The following RABGAP1L variants were observed in gnomAD, a reference collection of about 807,000 sequenced individuals.
The protein encoded by RABGAP1L is rab GTPase-activating protein 1-like.
Under a neutral mutation model 137.7 loss-of-function variants are expected in RABGAP1L, and 63 were observed. The observed-to-expected ratio is 0.46, with a 90% CI of 0.37 to 0.56. The LOEUF (loss-of-function observed/expected upper bound fraction) is 0.56. Ranked by LOEUF, RABGAP1L falls within the 20% of genes least tolerant of loss-of-function variation. The pLI is 0.00. For synonymous variants in RABGAP1L, 431 were observed against 433.7 expected (o/e 0.99, Z 0.08); for missense variants, 1,095 against 1,244.0 (o/e 0.88, Z 1.80).
At chr1:174,634,525 C>A (rs1673760300) in intron 13 of RABGAP1L, among the ~76,000 whole-genome samples, 2 of 145,520 alleles carry the variant, frequency 1.4e-5, no homozygotes, top group Non-Finnish European at 3.0e-5. Flanking sequence ...CCAGCCATCC[C>A]TTACTGGGTA....
At chr1:174,395,169 G>A (rs935240518) in intron 13 of RABGAP1L, among the ~76,000 whole-genome samples, 3 of 152,068 alleles carry the variant, frequency 2.0e-5, no homozygotes, top group Non-Finnish European at 4.4e-5. Flanking sequence ...GTCCCACATG[G>A]TTCAGGAGTG....
intron 13 of RABGAP1L, among the ~76,000 whole-genome samples, chr1:174,555,511 T>C (rs906078487): frequency 6.6e-5 from 10 of 151,838 alleles, no homozygotes; most frequent in Non-Finnish European, 4.4e-5. Context: ...GCATTTATTA[T>C]GTAACAAGAA....
rs1553274553 is a variant in RABGAP1L at position 174,327,992 on chromosome 1, T to TACATAC, written c.1465+22866_1465+22867insCATACA. On this transcript the variant is annotated intron_variant, in intron 11 of 25. Transcript: ENST00000681986. Reference sequence around the variant, plus strand: ...ATATATATATATACACACACATATATATATATATATATATATATATATATA... The same window carrying TACATAC: ...ATATATATATATACACACACATATATACATACATATATATATATATATATATATATA... 5.4e-4 allele frequency among the ~76,000 whole-genome samples: 31 copies of TACATAC among 57,612 alleles called. 1 individual carries two copies. The highest frequency in any genetic ancestry group is 2.5e-3 in the African/African-American group (31 of 12,304). 37.8% of individuals were successfully genotyped at this position (57,612 alleles called of 152,430 possible). A position where few individuals can be genotyped will look rare whatever the true frequency, so the allele number is the denominator to read the frequency against.
intron 19 of RABGAP1L, among the ~76,000 whole-genome samples, chr1:174,938,251 C>T (rs1379985589): frequency 6.6e-6 from 1 of 152,176 alleles, no homozygotes; most frequent in Non-Finnish European, 1.5e-5. Context: ...TCTGCTAAGG[C>T]TTATGTCTAG....
chr1:174,888,798 G>T (rs558654861), intron 19 of RABGAP1L, among the ~76,000 whole-genome samples: 1 of 151,990 alleles, frequency 6.6e-6, no homozygotes, highest in Non-Finnish European at 1.5e-5. Context: ...TGCCCGGCCA[G>T]CTATTTCTGT....
intron 13 of RABGAP1L, among the ~76,000 whole-genome samples, chr1:174,451,640 A>G (rs1468489382): frequency 6.6e-6 from 1 of 152,166 alleles, no homozygotes; most frequent in African/African-American, 2.4e-5. Context: ...TTTCATTTCA[A>G]AAGCCTTTAA....
At chr1:174,228,207 C>T (rs752315427) in intron 3 of RABGAP1L, among the ~76,000 whole-genome samples, 13 of 151,806 alleles carry the variant, frequency 8.6e-5, no homozygotes, top group Non-Finnish European at 1.9e-4. Flanking sequence ...ATTTTTGGAT[C>T]AGTTTCTGTA....
chr1:174,982,295 C>T (rs1441905016), intron 23 of RABGAP1L, among the ~76,000 whole-genome samples: 2 of 152,152 alleles, frequency 1.3e-5, no homozygotes, highest in East Asian at 3.9e-4. Flanking sequence ...TCCCCTACCC[C>T]TCCACCAGGC....
intron 13 of RABGAP1L, among the ~76,000 whole-genome samples, chr1:174,428,360 G>A (rs1455976008): frequency 1.3e-5 from 2 of 151,990 alleles, no homozygotes; most frequent in African/African-American, 4.8e-5. Flanking sequence ...GTGTAGAGGA[G>A]GGCATAACAG....
At chr1:174,410,577 G>A (rs1004027223) in intron 13 of RABGAP1L, among the ~76,000 whole-genome samples, 3 of 151,968 alleles carry the variant, frequency 2.0e-5, no homozygotes, top group Admixed American at 6.6e-5. Context: ...TTATTTCTGC[G>A]TTCTTTATTT....
At chr1:174,161,157 T>C (rs1180499655) in intron 1 of RABGAP1L, among the ~76,000 whole-genome samples, 1 of 151,978 alleles carries the variant, frequency 6.6e-6, no homozygotes, top group Non-Finnish European at 1.5e-5. Context: ...TGGAGAGAAG[T>C]AGATAAAGCA....
At chr1:174,479,093 A>G (rs1261610718) in intron 13 of RABGAP1L, among the ~76,000 whole-genome samples, 1 of 152,198 alleles carries the variant, frequency 6.6e-6, no homozygotes, top group East Asian at 1.9e-4. Flanking sequence ...CAATGTGTCT[A>G]AGGCTTTAAT....
chr1:174,660,470 G>A (rs1676292295), intron 14 of RABGAP1L, among the ~76,000 whole-genome samples: 2 of 152,066 alleles, frequency 1.3e-5, no homozygotes, highest in South Asian at 2.1e-4. Context: ...TCAAAACATA[G>A]CCAGAATCTT....
At chr1:174,813,083 T>C (rs991157962) in intron 19 of RABGAP1L, among the ~76,000 whole-genome samples, 5 of 152,212 alleles carry the variant, frequency 3.3e-5, no homozygotes, top group Non-Finnish European at 7.3e-5. Context: ...TGCAGGGTTT[T>C]TAGTGGAGCA....
rs948966427 is a variant in RABGAP1L at position 174,207,086 on chromosome 1, C to T, written c.-33-12039C>T. 2.6e-5 allele frequency among the ~76,000 whole-genome samples: 4 copies of T among 152,042 alleles called. No individual in the cohort carries two copies. In the South Asian group the frequency reaches 6.2e-4, roughly 24 times the overall value. On this transcript the variant is annotated intron_variant, in intron 1 of 25. Transcript: ENST00000681986. ...CTGATAAGCTTCTGTTCCTTATTTC[C>T]GTATATCTTTAAAATGCCCTGAAAG...
At chr1:174,567,852 T>G (rs992645047) in intron 13 of RABGAP1L, among the ~76,000 whole-genome samples, 3 of 152,184 alleles carry the variant, frequency 2.0e-5, no homozygotes, top group Non-Finnish European at 2.9e-5. Context: ...GTTAAACACA[T>G]AGTTTTTGAG....
At chr1:174,926,052 G>A (rs887389239) in intron 19 of RABGAP1L, among the ~76,000 whole-genome samples, 2 of 151,678 alleles carry the variant, frequency 1.3e-5, no homozygotes, top group Non-Finnish European at 2.9e-5. Context: ...TTGATCGCCA[G>A]TTGTCTGACC....
chr1:174,297,806 G>C (rs1290811794), intron 10 of RABGAP1L, among the ~76,000 whole-genome samples: 2 of 152,124 alleles, frequency 1.3e-5, no homozygotes, highest in African/African-American at 4.8e-5. Context: ...TGAAACAAGG[G>C]CACAGGTAAG....
intron 13 of RABGAP1L, among the ~76,000 whole-genome samples, chr1:174,615,076 C>T (rs565942750): frequency 6.6e-6 from 1 of 152,346 alleles, no homozygotes; most frequent in African/African-American, 2.4e-5. Context: ...CTTCTCTCAA[C>T]TCGTCAAAGT....
Sources: gnomAD v4.1 joint callset for allele counts (sites outside exome capture counted in the v4.1 genomes callset) on GRCh38, gnomAD v4.1.1 for gene constraint, MANE v1.5 for transcripts, NCBI Gene and HGNC (gene_info 2026-07-23, HGNC 2026-07-21) for gene names.